CSMD3: variants seen among roughly 807,000 people sequenced by gnomAD.
CSMD3 encodes the protein CUB and Sushi multiple domains 3.
Under a neutral mutation model 435.2 loss-of-function variants are expected in CSMD3, and 177 were observed. The observed-to-expected ratio is 0.41, with a 90% CI of 0.36 to 0.46. CSMD3 has a LOEUF of 0.46. CSMD3 is among the 20% of genes least tolerant of loss of function. The pLI, the probability that CSMD3 is intolerant of heterozygous loss-of-function variation, is 0.34. For synonymous variants in CSMD3, 1,656 were observed against 1,520.5 expected (o/e 1.09, Z -2.07); for missense variants, 4,265 against 4,504.6 (o/e 0.95, Z 1.52).
At chr8:112,334,097 A>G (rs1482379830) in intron 45 of CSMD3, among the ~76,000 whole-genome samples, 2 of 152,220 alleles carry the variant, frequency 1.3e-5, no homozygotes. Context: ...TGTCTGACTG[A>G]ATATCCAACT....
intron 12 of CSMD3, among the ~76,000 whole-genome samples, chr8:112,823,947 T>C (rs1472296450): frequency 6.6e-6 from 1 of 152,158 alleles, no homozygotes; most frequent in African/African-American, 2.4e-5. Context: ...TACTATTGTG[T>C]GGGAGACTAA....
intron 41 of CSMD3, among the ~76,000 whole-genome samples, chr8:112,342,793 A>G (rs376625205): frequency 6.6e-6 from 1 of 151,792 alleles, no homozygotes; most frequent in East Asian, 1.9e-4. Flanking sequence ...AAAATATTAA[A>G]CAACTTTCTA....
In CSMD3 at chr8:113,289,554, C is replaced by CAGAGAGAG. The variant is rs66595138; in HGVS notation, c.402-10858_402-10851dup. Among the ~76,000 whole-genome samples, 348 of 143,292 alleles carry CAGAGAGAG rather than the reference C, an allele frequency of 2.4e-3. 3 individuals are homozygous for CAGAGAGAG. Among genetic ancestry groups the CAGAGAGAG allele is most frequent in the South Asian group, 9.1e-3 (40 of 4,408 alleles). The allele number at this position is 143,292 out of a possible 152,430, so 94.0% of individuals were successfully genotyped here. ...CAATTAGAAGACAGACAGAGAGAGACAGAGAGAGAGAGAGAGAGAGAGAGA... is the reference window on the plus strand; with the variant it reads ...CAATTAGAAGACAGACAGAGAGAGACAGAGAGAGAGAGAGAGAGAGAGAGAGAGAGAGA... On this transcript the variant is annotated intron_variant, in intron 2 of 70. Transcript: ENST00000297405.
intron 42 of CSMD3, among the ~76,000 whole-genome samples, chr8:112,339,328 G>T (rs1824876039): frequency 1.3e-5 from 2 of 152,006 alleles, no homozygotes; most frequent in African/African-American, 2.4e-5. Flanking sequence ...CTTCTGGTTG[G>T]CTGCTTTCAG....
At chr8:113,109,374 T>C (rs1051895026) in intron 4 of CSMD3, among the ~76,000 whole-genome samples, 1 of 152,178 alleles carries the variant, frequency 6.6e-6, no homozygotes, top group Non-Finnish European at 1.5e-5. Context: ...AAGGTATCAT[T>C]TGTGCAGAGG....
intron 1 of CSMD3, among the ~76,000 whole-genome samples, chr8:113,365,755 G>A (rs113604463): frequency 5.9e-5 from 9 of 152,042 alleles, no homozygotes; most frequent in African/African-American, 1.9e-4. Context: ...GTCTGTATAG[G>A]TGAGTTTTGT....
chr8:112,407,010 GT>G (rs1831920171), intron 34 of CSMD3, among the ~76,000 whole-genome samples: 1 of 151,764 alleles, frequency 6.6e-6, no homozygotes, highest in Admixed American at 6.6e-5. Flanking sequence ...TTACAAAATA[GT>G]TTTAGTTAGA....
At chr8:112,569,282 C>T (rs532378274) in intron 24 of CSMD3, among the ~76,000 whole-genome samples, 1 of 152,210 alleles carries the variant, frequency 6.6e-6, no homozygotes, top group African/African-American at 2.4e-5. Context: ...AGCAGAAAGA[C>T]AGGAGCAAAA....
intron 65 of CSMD3, among the ~76,000 whole-genome samples, 186 bp downstream of exon 65, chr8:112,244,208 G>T (rs1311309614): frequency 6.6e-6 from 1 of 152,114 alleles, no homozygotes; most frequent in African/African-American, 2.4e-5. Context: ...TGGGAAAAAA[G>T]CTATGAATAG....
At chr8:112,863,832 T>C (rs192686333) in intron 10 of CSMD3, among the ~76,000 whole-genome samples, 13 of 151,440 alleles carry the variant, frequency 8.6e-5, no homozygotes, top group African/African-American at 7.3e-5. Flanking sequence ...AAGAATTCCA[T>C]GCCTACAGTC....
At chr8:112,701,148 C>G (rs909171489) in intron 13 of CSMD3, among the ~76,000 whole-genome samples, 1 of 152,072 alleles carries the variant, frequency 6.6e-6, no homozygotes, top group South Asian at 2.1e-4. Flanking sequence ...ACTATGTTTT[C>G]TAGAGAATTA....
chr8:112,598,712 C>T (rs1217838026), intron 22 of CSMD3, among the ~76,000 whole-genome samples: 7 of 150,288 alleles, frequency 4.7e-5, no homozygotes, highest in Admixed American at 3.3e-4. Flanking sequence ...AGAAATAATG[C>T]CGCATATCTA....
At chr8:113,081,184 G>A (rs2089548228) in intron 5 of CSMD3, among the ~76,000 whole-genome samples, 1 of 152,056 alleles carries the variant, frequency 6.6e-6, no homozygotes, top group South Asian at 2.1e-4. Context: ...ATCACAAATT[G>A]GGTGGCTTTA....
At chr8:112,608,017 T>G (rs184579886) in intron 22 of CSMD3, among the ~76,000 whole-genome samples, 42 of 152,166 alleles carry the variant, frequency 2.8e-4, no homozygotes, top group African/African-American at 9.2e-4. Context: ...GGCAATTGTC[T>G]CTGTTTGCAG....
chr8:112,508,326 G>T (rs1487953254), intron 28 of CSMD3, among the ~76,000 whole-genome samples: 1 of 152,096 alleles, frequency 6.6e-6, no homozygotes, highest in Admixed American at 6.6e-5. Context: ...CACTTATCAT[G>T]ACCTAGATAA....
intron 11 of CSMD3, among the ~76,000 whole-genome samples, chr8:112,850,062 T>C (rs924551322): frequency 6.6e-6 from 1 of 152,150 alleles, no homozygotes; most frequent in Non-Finnish European, 1.5e-5. Context: ...CTAAATTAAA[T>C]ATTGCATGCA....
Position 113,268,521 on chromosome 8 carries a change from A to T in CSMD3, c.514+10071T>A, listed in dbSNP as rs1469481342. Among the ~76,000 whole-genome samples the T allele has an allele frequency of 2.0e-5, 3 of 151,928 alleles. 1 individual carries two copies. Among genetic ancestry groups the T allele is most frequent in the South Asian group, 4.1e-4 (2 of 4,820 alleles). On this transcript the variant is annotated intron_variant, in intron 3 of 70. Coordinates refer to ENST00000297405, the MANE Select transcript of CSMD3 (RefSeq NM_198123.2). The stretch of plus-strand genomic sequence containing the variant: ...TATGCAACTAGATATTCATTAGAAA[A>T]TTTTTCTGCAGAAATTTAATAGTTC...
At chr8:113,113,098 T>C (rs964831346) in intron 4 of CSMD3, among the ~76,000 whole-genome samples, 11 of 152,228 alleles carry the variant, frequency 7.2e-5, no homozygotes, top group African/African-American at 2.7e-4. Flanking sequence ...CACTGCACTA[T>C]GTGCTCCTTG....
chr8:112,564,008 A>G (rs1312465496), intron 24 of CSMD3, among the ~76,000 whole-genome samples: 2 of 152,036 alleles, frequency 1.3e-5, no homozygotes, highest in African/African-American at 4.8e-5. Flanking sequence ...GAGTGTGAAA[A>G]CCTAATCACC....
Sources: allele counts gnomAD v4.1 joint callset (sites outside exome capture counted in the v4.1 genomes callset), GRCh38; gene constraint gnomAD v4.1.1; transcripts MANE v1.5; gene names NCBI Gene and HGNC (gene_info 2026-07-23, HGNC 2026-07-21).